Variants in SCNN1G observed in about 807,000 individuals in gnomAD.
SCNN1G encodes sodium channel epithelial 1 subunit gamma, also known as epithelial sodium channel subunit gamma.
A neutral mutation model predicts 64.6 loss-of-function variants in SCNN1G; 27 were observed. The ratio of observed to expected loss-of-function variants is 0.42; its 90% confidence interval spans 0.31 to 0.58. The LOEUF (loss-of-function observed/expected upper bound fraction) is 0.58, where lower values mean the gene tolerates loss of function less well. Ranked by LOEUF, SCNN1G falls within the 20% of genes least tolerant of loss-of-function variation. The probability of loss-of-function intolerance (pLI) is 0.18; values close to 1 mark genes in which losing one functional copy is unlikely to be tolerated. For missense variants in SCNN1G, 743 were observed against 823.4 expected (o/e 0.90, Z 1.19); for synonymous variants, 330 against 314.2 (o/e 1.05, Z -0.53).
chr16:23,207,236 C>T (rs1960005220), intron 6 of SCNN1G, among the ~76,000 whole-genome samples: 1 of 152,182 alleles, frequency 6.6e-6, no homozygotes, highest in Admixed American at 6.5e-5. Flanking sequence ...TGGCTGCACT[C>T]GGCTTGCCTA....
intron 6 of SCNN1G, among the ~76,000 whole-genome samples, chr16:23,202,230 T>C (rs1184810276): frequency 2.3e-5 from 3 of 132,054 alleles, no homozygotes; most frequent in South Asian, 4.8e-4. Flanking sequence ...TCAGTAAATA[T>C]TGATAGATGA....
chr16:23,213,720 G>T (rs4297681), intron 11 of SCNN1G, among the ~76,000 whole-genome samples: 32,240 of 152,176 alleles, frequency 0.21, 3,532 homozygotes, highest in African/African-American at 0.25. Flanking sequence ...CCAATCTTGC[G>T]TCCAACATTC....
chr16:23,214,316 C>T (rs1960126020), intron 11 of SCNN1G, among the ~76,000 whole-genome samples: 1 of 152,174 alleles, frequency 6.6e-6, no homozygotes, highest in Non-Finnish European at 1.5e-5. Flanking sequence ...CAGGAAGTGC[C>T]CCATAAATGC....
At chr16:23,213,023 A>C in intron 10 of SCNN1G, 79 bp from the exon 11 acceptor site, 2 of 1,530,116 alleles carry the variant, frequency 1.3e-6, no homozygotes, top group Admixed American at 1.7e-5. Flanking sequence ...GCTGGGGGAC[A>C]AGTTGGGGAG....
chr16:23,192,019 G>A lies in SCNN1G; in HGVS notation c.619-333G>A, dbSNP rs191326795. On this transcript the variant is annotated intron_variant, in intron 3 of 12. Transcript: ENST00000300061. ...TTTTGATATGATAGGAAATGGGAAA[G>A]GTTGTTAGGAACGTAGTAGCATCAA... is the stretch of plus-strand genomic sequence containing the variant. 5.8e-4 allele frequency among the ~76,000 whole-genome samples: 88 copies of A among 152,282 alleles called. 1 individual carries two copies. Among genetic ancestry groups the A allele is most frequent in the African/African-American group, 1.5e-3 (62 of 41,552 alleles).
intron 11 of SCNN1G, among the ~76,000 whole-genome samples, chr16:23,213,747 G>A (rs777609779): frequency 2.8e-4 from 42 of 152,208 alleles, no homozygotes; most frequent in South Asian, 6.2e-4. Flanking sequence ...CACCCCCTAG[G>A]TGCCAGGTGC....
At chr16:23,194,301 T>A (rs1959760543) in intron 5 of SCNN1G, 27 bp downstream of exon 5, 2 of 1,473,904 alleles carry the variant, frequency 1.4e-6, no homozygotes, top group Admixed American at 1.7e-5. Flanking sequence ...CAAGGAGATC[T>A]TGAGGCCCTC....
Position 23,194,207 on chromosome 16 carries a change from T to C in SCNN1G, c.846T>C (p.Asn282=). The change falls in exon 5 of 13, where the codon AAT becomes AAC. Residue 282 remains asparagine, a synonymous_variant. Transcript: ENST00000300061. ...TTTTCCACCACCCGATGCATGGGAA[T>C]TGCTATACTTTCAACAACAGAGAAA... ...FTLFHHPMHG[N]CYTFNNRENE... 1 of 1,613,978 alleles carries C rather than the reference T, an allele frequency of 6.2e-7. No homozygotes were observed. Among genetic ancestry groups the C allele is most frequent in the South Asian group, 1.1e-5 (1 of 91,086 alleles).
chr16:23,185,357 A>T (rs1959589275), intron 1 of SCNN1G, among the ~76,000 whole-genome samples: 1 of 152,260 alleles, frequency 6.6e-6, no homozygotes, highest in African/African-American at 2.4e-5. Flanking sequence ...TATGTAGTAT[A>T]TTAGTTCATT....
chr16:23,189,102 C>T (rs72646492), intron 2 of SCNN1G, among the ~76,000 whole-genome samples: 1 of 152,138 alleles, frequency 6.6e-6, no homozygotes, highest in African/African-American at 2.4e-5. Flanking sequence ...ACAAACTTGT[C>T]AACACACCCT....
Position 23,212,848 on chromosome 16 carries a change from G to A in SCNN1G, c.1385G>A (p.Trp462Ter). 6.2e-7 allele frequency: 1 copy of A among 1,614,158 alleles called. No individual in the cohort carries two copies. The highest frequency in any genetic ancestry group is 8.5e-7 in the Non-Finnish European group (1 of 1,180,024). ...VCKEACSFKE[W>*]TLTTSLAQWP... The stretch of plus-strand genomic sequence containing the variant: ...CCCTCCTCCCTTAGCTTTAAAGAGT[G>A]GACACTAACCACAAGCCTGGCACAA... Residue 462 changes from tryptophan (W) to a stop codon, truncating the protein, a stop_gained, in exon 10 of 13, where the codon TGG becomes TAG. Coordinates refer to ENST00000300061, the MANE Select transcript of SCNN1G (RefSeq NM_001039.4). LOFTEE classifies it high-confidence loss of function.
intron 5 of SCNN1G, chr16:23,195,862 A>G (rs529096751): frequency 6.6e-6 from 1 of 152,246 alleles, no homozygotes; most frequent in South Asian, 2.1e-4. Flanking sequence ...GAATGTCAGA[A>G]TAACTCTCAA....
At chr16:23,205,248 G>C (rs1959970974) in intron 6 of SCNN1G, among the ~76,000 whole-genome samples, 1 of 152,128 alleles carries the variant, frequency 6.6e-6, no homozygotes, top group African/African-American at 2.4e-5. Flanking sequence ...GTTGTTTAGG[G>C]GTGAATGACC....
rs540095021 is a variant in SCNN1G, at chr16:23,194,676, C to T, written c.913+402C>T. Among the ~76,000 whole-genome samples, 11 of 152,266 alleles carry T rather than the reference C, an allele frequency of 7.2e-5. No individual in the cohort carries two copies. In the South Asian group the frequency reaches 1.9e-3, roughly 26 times the overall value. ...CTTAGTTCAGGTGACAGATTCTGGA[C>T]GGAGCCGAAACCCAGCTTGGCCACT... On this transcript the variant is annotated intron_variant, in intron 5 of 12. Transcript: ENST00000300061.
chr16:23,198,930 T>G (rs1959841407), intron 6 of SCNN1G, among the ~76,000 whole-genome samples: 1 of 152,110 alleles, frequency 6.6e-6, no homozygotes, highest in Admixed American at 6.5e-5. Context: ...GGGGCACACC[T>G]GTAGTCCCAG....
chr16:23,215,374 G>A lies in SCNN1G; in HGVS notation c.1855G>A (p.Val619Met). Residue 619 changes from valine (V) to methionine (M), a missense_variant, in exon 13 of 13, where the codon GTG becomes ATG. Physicochemically the swap from Val to Met is conservative, Grantham distance 21. Coordinates refer to ENST00000300061, the MANE Select transcript of SCNN1G (RefSeq NM_001039.4). ...LHLPPALGTQ[V>M]PGTPPPKYNT... ...CCTGCCTCCAGCCCTAGGAACCCAAGTGCCCGGCACACCGCCCCCCAAATA... is the reference window on the plus strand; with the variant it reads ...CCTGCCTCCAGCCCTAGGAACCCAAATGCCCGGCACACCGCCCCCCAAATA... The A allele has an allele frequency of 2.5e-6, 4 of 1,614,140 alleles. No homozygotes were observed. Among genetic ancestry groups the A allele is most frequent in the South Asian group, 1.1e-5 (1 of 91,082 alleles).
At chr16:23,188,456 G>T (rs1567262355) in intron 2 of SCNN1G, among the ~76,000 whole-genome samples, 2 of 152,136 alleles carry the variant, frequency 1.3e-5, no homozygotes, top group East Asian at 3.9e-4. Context: ...AGGCTGCAGG[G>T]AACCATGATT....
At chr16:23,206,435 C>T (rs1044537586) in intron 6 of SCNN1G, among the ~76,000 whole-genome samples, 2 of 152,206 alleles carry the variant, frequency 1.3e-5, no homozygotes, top group Non-Finnish European at 2.9e-5. Flanking sequence ...GGGCTTTCCC[C>T]CTTAGCACTG....
At chr16:23,199,693 A>T in intron 6 of SCNN1G, among the ~76,000 whole-genome samples, 1 of 88,518 alleles carries the variant, frequency 1.1e-5, no homozygotes, top group Non-Finnish European at 2.0e-5. Flanking sequence ...TTTTTTTGAG[A>T]CAGAGTGTCA....
Sources: gnomAD v4.1 joint callset for allele counts (sites outside exome capture counted in the v4.1 genomes callset) on GRCh38, gnomAD v4.1.1 for gene constraint, MANE v1.5 for transcripts, NCBI Gene and HGNC (gene_info 2026-07-23, HGNC 2026-07-21) for gene names.